VRK2: variants seen among roughly 807,000 people sequenced by gnomAD.
VRK2 encodes the protein serine/threonine-protein kinase VRK2.
In VRK2, 60 loss-of-function variants were observed where a neutral mutation model predicts 57.6. The observed-to-expected ratio is 1.04, with a 90% CI of 0.85 to 1.29. VRK2 has a LOEUF of 1.29. Ranked by LOEUF, VRK2 falls within the 50% of genes most tolerant of loss-of-function variation. The pLI, the probability that VRK2 is intolerant of heterozygous loss-of-function variation, is 0.00. For missense variants in VRK2, 705 were observed against 588.1 expected, an observed-to-expected ratio of 1.20 and a Z score of -2.06; for synonymous variants, 231 against 199.2, an observed-to-expected ratio of 1.16 and a Z score of -1.35.
At chr2:57,954,209 T>C (rs1013029073) in intron 1 of VRK2, among the ~76,000 whole-genome samples, 97 of 152,166 alleles carry the variant, frequency 6.4e-4, no homozygotes, top group African/African-American at 2.3e-3. Flanking sequence ...ACCAGAAATA[T>C]TATGCAATAC....
intron 2 of VRK2, among the ~76,000 whole-genome samples, chr2:58,073,883 C>G (rs532919157): frequency 7.9e-5 from 12 of 151,964 alleles, no homozygotes; most frequent in African/African-American, 2.9e-4. Context: ...TTTTCACATT[C>G]TTCTGCCTGC....
intron 9 of VRK2, among the ~76,000 whole-genome samples, chr2:58,133,483 G>T (rs1194584153): frequency 3.3e-5 from 5 of 152,098 alleles, no homozygotes; most frequent in Admixed American, 1.3e-4. Flanking sequence ...TGCTGAGAAG[G>T]TATGACACTG....
chr2:58,002,322 T>C (rs1415407123), intron 1 of VRK2, among the ~76,000 whole-genome samples: 1 of 151,728 alleles, frequency 6.6e-6, no homozygotes, highest in Non-Finnish European at 1.5e-5. Context: ...ACTAAAAATA[T>C]AAAAAATTAG....
At position 58,032,311 on chromosome 2, in the gene VRK2, T is replaced by G. The variant is rs549990694; in HGVS notation, c.-332-916T>G. ...ACTGGGTAGCTTTATAAACAAAAGA[T>G]TTATTTCTCAAATGTATTCAGTTCT... On this transcript the variant is annotated intron_variant, in intron 2 of 15. Transcript: ENST00000417641. Among the ~76,000 whole-genome samples the G allele has an allele frequency of 3.9e-5, 6 of 152,202 alleles. No individual in the cohort carries two copies. The East Asian group carries it at 9.7e-4, about 25-fold the overall frequency.
intron 1 of VRK2, among the ~76,000 whole-genome samples, chr2:57,943,006 A>G (rs982030206): frequency 1.3e-5 from 2 of 152,206 alleles, no homozygotes; most frequent in African/African-American, 4.8e-5. Context: ...TTCACTTTTC[A>G]TAGGATAATT....
At chr2:58,133,108 CTAA>C (rs1239815063) in intron 9 of VRK2, among the ~76,000 whole-genome samples, 1 of 151,960 alleles carries the variant, frequency 6.6e-6, no homozygotes, top group African/African-American at 2.4e-5. Context: ...CATTTTAATT[CTAA>C]TGATTATATA....
At chr2:58,021,301 GACCC>G (rs940555726) in intron 1 of VRK2, among the ~76,000 whole-genome samples, 1 of 151,966 alleles carries the variant, frequency 6.6e-6, no homozygotes, top group African/African-American at 2.4e-5. Flanking sequence ...TCTAACCAGG[GACCC>G]ACTGAGTGTG....
chr2:58,056,801 G>C (rs1224199005), intron 2 of VRK2, among the ~76,000 whole-genome samples: 3 of 152,162 alleles, frequency 2.0e-5, no homozygotes, highest in Non-Finnish European at 4.4e-5. Flanking sequence ...TAGAGGTAGA[G>C]GAGAGTTGGT....
chr2:57,992,661 C>T (rs1004889820), intron 1 of VRK2, among the ~76,000 whole-genome samples: 4 of 152,106 alleles, frequency 2.6e-5, no homozygotes, highest in Middle Eastern at 3.4e-3. Context: ...CTCAGCCTCC[C>T]GAGTAGCTGG....
Position 57,982,185 on chromosome 2 carries a change from G to A in VRK2, c.-438-43480G>A, listed in dbSNP as rs542524187. ...GCTCAGCACTCCTGGGCTATGTGCTGTAAGCCTGGGGAGCTGGAACCAGGC... is the reference window on the plus strand; with the variant it reads ...GCTCAGCACTCCTGGGCTATGTGCTATAAGCCTGGGGAGCTGGAACCAGGC... On this transcript the variant is annotated intron_variant, in intron 1 of 15. Coordinates refer to the VRK2 transcript ENST00000417641. Among the ~76,000 whole-genome samples the A allele has an allele frequency of 2.9e-4, 44 of 152,204 alleles. 1 individual carries two copies. The highest frequency in any genetic ancestry group is 5.6e-4 in the Non-Finnish European group (38 of 68,030).
chr2:58,011,933 T>C (rs1673429380), intron 1 of VRK2, among the ~76,000 whole-genome samples: 1 of 152,180 alleles, frequency 6.6e-6, no homozygotes, highest in South Asian at 2.1e-4. Flanking sequence ...AACTCTAGGA[T>C]AGCATCAGAT....
chr2:57,918,594 T>C (rs1457105338), intron 1 of VRK2, among the ~76,000 whole-genome samples: 2 of 152,094 alleles, frequency 1.3e-5, no homozygotes, highest in Non-Finnish European at 2.9e-5. Context: ...GGTAAATGAA[T>C]AGTGAGTGGG....
chr2:58,087,778 A>T (rs1671836739), intron 5 of VRK2, among the ~76,000 whole-genome samples: 1 of 152,066 alleles, frequency 6.6e-6, no homozygotes, highest in Non-Finnish European at 1.5e-5. Flanking sequence ...CATGAGGTCA[A>T]GAGGTCGAGA....
intron 9 of VRK2, among the ~76,000 whole-genome samples, chr2:58,134,184 G>C (rs1679629085): frequency 6.6e-6 from 1 of 152,090 alleles, no homozygotes. Context: ...CCCAAAGCGG[G>C]TTATAGAAAC....
chr2:58,088,803 CAT>C lies in VRK2; in HGVS notation c.450+358_450+359del, dbSNP rs1413126684. The stretch of plus-strand genomic sequence containing the variant: ...AAAATATATTGTCAGACATTTTAAA[CAT>C]GTGATGGTAGGGGGGTGCTATGAAG... On this transcript the variant is annotated intron_variant, in intron 6 of 12. Coordinates refer to ENST00000340157, the MANE Select transcript of VRK2 (RefSeq NM_006296.7). 5.9e-5 allele frequency among the ~76,000 whole-genome samples: 9 copies of C among 152,242 alleles called. No individual in the cohort carries two copies. The South Asian group carries it at 6.2e-4, about 11-fold the overall frequency.
chr2:58,062,385 A>G (rs1677481828), intron 2 of VRK2, among the ~76,000 whole-genome samples: 3 of 152,194 alleles, frequency 2.0e-5, no homozygotes, highest in South Asian at 2.1e-4. Context: ...GCCTTTAAGT[A>G]TTCAAGTGAA....
At chr2:57,976,810 A>T (rs907728671) in intron 1 of VRK2, among the ~76,000 whole-genome samples, 4 of 152,132 alleles carry the variant, frequency 2.6e-5, no homozygotes. Flanking sequence ...TATGTCCACA[A>T]TGGTATGTGC....
chr2:58,020,684 A>T (rs1178897146), intron 1 of VRK2, among the ~76,000 whole-genome samples: 3 of 152,248 alleles, frequency 2.0e-5, no homozygotes, highest in Admixed American at 6.5e-5. Flanking sequence ...CTTCTGGGAA[A>T]CAGAGCTGGC....
At chr2:58,036,541 T>C (rs908485086) in intron 3 of VRK2, among the ~76,000 whole-genome samples, 1 of 152,072 alleles carries the variant, frequency 6.6e-6, no homozygotes, top group East Asian at 1.9e-4. Context: ...GATAACCCAA[T>C]GTAATCAGTA....
Sources: gnomAD v4.1 joint callset for allele counts (sites outside exome capture counted in the v4.1 genomes callset) on GRCh38, gnomAD v4.1.1 for gene constraint, MANE v1.5 for transcripts, NCBI Gene and HGNC (gene_info 2026-07-23, HGNC 2026-07-21) for gene names.